Variants in EPHB1 observed in about 807,000 individuals in gnomAD.
EPHB1 encodes EPH receptor B1.
EPHB1 carries 30 observed loss-of-function variants against 94.4 expected under a neutral mutation model. That is an observed-to-expected ratio of 0.32 (90% CI 0.24 to 0.43). EPHB1 has a LOEUF of 0.43. EPHB1 is among the 20% of genes least tolerant of loss of function. The pLI is 1.00. For synonymous variants in EPHB1, 522 were observed against 489.1 expected (o/e 1.07, Z -0.89); for missense variants, 1,055 against 1,308.3 (o/e 0.81, Z 2.99).
At chr3:134,811,473 A>G (rs1035467391) in intron 1 of EPHB1, among the ~76,000 whole-genome samples, 1 of 151,908 alleles carries the variant, frequency 6.6e-6, no homozygotes, top group Non-Finnish European at 1.5e-5. Context: ...TCCTGACCTC[A>G]GGTGATCCAC....
At chr3:135,207,108 A>G (rs1942919476) in intron 12 of EPHB1, among the ~76,000 whole-genome samples, 1 of 152,236 alleles carries the variant, frequency 6.6e-6, no homozygotes, top group South Asian at 2.1e-4. Context: ...AGCCAAATAT[A>G]CAATTTACAT....
At chr3:134,836,821 C>T (rs1310877310) in intron 1 of EPHB1, among the ~76,000 whole-genome samples, 2 of 152,062 alleles carry the variant, frequency 1.3e-5, no homozygotes, top group African/African-American at 4.8e-5. Flanking sequence ...AATTCATTGA[C>T]CGGAAAAGAA....
intron 5 of EPHB1, among the ~76,000 whole-genome samples, chr3:135,137,488 G>T (rs998472694): frequency 9.2e-5 from 14 of 152,180 alleles, no homozygotes; most frequent in Non-Finnish European, 1.3e-4. Flanking sequence ...TTACTGCCAA[G>T]CATGCTCTGT....
At chr3:135,140,421 C>A (rs1019549005) in intron 5 of EPHB1, among the ~76,000 whole-genome samples, 1 of 152,294 alleles carries the variant, frequency 6.6e-6, no homozygotes, top group Non-Finnish European at 1.5e-5. Flanking sequence ...ATATAGAAAG[C>A]AATCAATAAA....
At chr3:135,233,025 G>C (rs1048248749) in intron 12 of EPHB1, among the ~76,000 whole-genome samples, 6 of 152,118 alleles carry the variant, frequency 3.9e-5, no homozygotes, top group Non-Finnish European at 7.4e-5. Context: ...GGTGAGATTC[G>C]GGTGGGGAGA....
intron 6 of EPHB1, among the ~76,000 whole-genome samples, chr3:135,155,271 G>A (rs886450872): frequency 6.6e-6 from 1 of 152,164 alleles, no homozygotes; most frequent in Non-Finnish European, 1.5e-5. Context: ...ATTAAGTAGA[G>A]GGGTAGAGAT....
intron 3 of EPHB1, among the ~76,000 whole-genome samples, chr3:135,096,345 A>C (rs78690211): frequency 1.3e-5 from 2 of 152,156 alleles, no homozygotes. Flanking sequence ...CCATGTTTGC[A>C]TTCTTCCAGA....
Position 134,966,778 on chromosome 3 carries a change from A to T in EPHB1, c.805+14726A>T, listed in dbSNP as rs115787623. 3.4e-3 allele frequency among the ~76,000 whole-genome samples: 514 copies of T among 152,314 alleles called. 1 individual carries two copies. Among genetic ancestry groups the T allele is most frequent in the African/African-American group, 0.012 (479 of 41,552 alleles). The stretch of plus-strand genomic sequence containing the variant: ...GGTTCACCTAGTGATTTCTTTTCCC[A>T]TCTGCATTCCTGCCATTCTGTTTGC... On this transcript the variant is annotated intron_variant, in intron 3 of 15. Transcript: ENST00000398015.
At chr3:134,870,230 C>T (rs547268483) in intron 1 of EPHB1, among the ~76,000 whole-genome samples, 58 of 152,170 alleles carry the variant, frequency 3.8e-4, no homozygotes, top group Non-Finnish European at 8.1e-4. Context: ...GACTTCGGCC[C>T]ACATCTAGAC....
intron 1 of EPHB1, among the ~76,000 whole-genome samples, chr3:134,924,374 T>C (rs2038747431): frequency 6.6e-6 from 1 of 152,130 alleles, no homozygotes; most frequent in South Asian, 2.1e-4. Context: ...TCAGAATATA[T>C]AAAGACCTCT....
chr3:134,797,546 A>G (rs1560237494), intron 1 of EPHB1, among the ~76,000 whole-genome samples: 1 of 152,102 alleles, frequency 6.6e-6, no homozygotes, highest in Non-Finnish European at 1.5e-5. Flanking sequence ...TGCTCTCGGC[A>G]TTGGGTTCCT....
At chr3:134,943,328 C>T (rs779656159) in intron 2 of EPHB1, among the ~76,000 whole-genome samples, 33 of 152,144 alleles carry the variant, frequency 2.2e-4, no homozygotes, top group Non-Finnish European at 3.5e-4. Flanking sequence ...CTCTGTTGTC[C>T]AGTTATGAGA....
chr3:135,181,888 A>G (rs556573153), intron 10 of EPHB1, among the ~76,000 whole-genome samples: 56 of 152,336 alleles, frequency 3.7e-4, no homozygotes, highest in Non-Finnish European at 7.1e-4. Flanking sequence ...AGTCTTCTCC[A>G]TGACTCATGT....
chr3:135,151,406 T>A (rs1436152430), intron 5 of EPHB1, among the ~76,000 whole-genome samples: 2 of 152,102 alleles, frequency 1.3e-5, no homozygotes, highest in East Asian at 1.9e-4. Context: ...CTCCCTTCCC[T>A]CCTTCAACCC....
rs563707490 is a variant in EPHB1 at position 135,249,191 on chromosome 3, G to C, written c.2691-145G>C. On this transcript the variant is annotated intron_variant, in intron 14 of 15. Coordinates refer to ENST00000398015, the MANE Select transcript of EPHB1 (RefSeq NM_004441.5). ...TCATGCTGATTTAGGATTCCATGAA[G>C]AAGAAAGGTTCAGCCCAGGGCTCCA... 4.3e-4 allele frequency: 403 copies of C among 936,904 alleles called. 6 individuals carry two copies. The South Asian group carries it at 7.3e-3, about 17-fold the overall frequency. 58.0% of individuals were successfully genotyped at this position (936,904 alleles called of 1,614,324 possible). A position where few individuals can be genotyped will look rare whatever the true frequency, so the allele number is the denominator to read the frequency against.
intron 1 of EPHB1, among the ~76,000 whole-genome samples, chr3:134,862,671 G>A (rs2037292383): frequency 6.6e-6 from 1 of 152,118 alleles, no homozygotes; most frequent in Non-Finnish European, 1.5e-5. Flanking sequence ...TTGCCGTGTG[G>A]CTCAGAGGAT....
chr3:135,196,962 T>C (rs1942635329), intron 11 of EPHB1, among the ~76,000 whole-genome samples: 1 of 152,076 alleles, frequency 6.6e-6, no homozygotes, highest in Non-Finnish European at 1.5e-5. Context: ...TTCCGTAATA[T>C]TAGAAACAAT....
intron 9 of EPHB1, among the ~76,000 whole-genome samples, chr3:135,173,052 T>TTTTG (rs1941852024): frequency 7.0e-6 from 1 of 143,134 alleles, no homozygotes; most frequent in Admixed American, 6.8e-5. Flanking sequence ...TTTTTTTTTT[T>TTTTG]GAGACGGAGT....
At chr3:135,018,118 A>G (rs1935863361) in intron 3 of EPHB1, among the ~76,000 whole-genome samples, 1 of 152,068 alleles carries the variant, frequency 6.6e-6, no homozygotes, top group African/African-American at 2.4e-5. Flanking sequence ...GTAAAGGGGA[A>G]AAAACATCTT....
Sources: gnomAD v4.1 joint callset for allele counts (sites outside exome capture counted in the v4.1 genomes callset) on GRCh38, gnomAD v4.1.1 for gene constraint, MANE v1.5 for transcripts, NCBI Gene and HGNC (gene_info 2026-07-23, HGNC 2026-07-21) for gene names.